Variants in CDS1 observed in about 807,000 individuals in gnomAD.
The protein encoded by CDS1 is phosphatidate cytidylyltransferase 1.
Under a neutral mutation model 62.1 loss-of-function variants are expected in CDS1, and 41 were observed. The ratio of observed to expected loss-of-function variants is 0.66; its 90% CI spans 0.51 to 0.86. The LOEUF is 0.86. CDS1 is among the 40% of genes least tolerant of loss of function. The pLI is 0.00. For synonymous variants in CDS1, 185 were observed against 192.6 expected, an observed-to-expected ratio of 0.96 and a Z score of 0.32; for missense variants, 470 against 550.1, an observed-to-expected ratio of 0.85 and a Z score of 1.46.
chr4:84,584,790 G>A (rs976975455), intron 1 of CDS1, among the ~76,000 whole-genome samples: 1 of 152,200 alleles, frequency 6.6e-6, no homozygotes, highest in Non-Finnish European at 1.5e-5. Flanking sequence ...AAATGAGTCT[G>A]TAATAAAACA....
At chr4:84,639,105 A>T in intron 9 of CDS1, 113 bp downstream of exon 9, 1 of 396,862 alleles carries the variant, frequency 2.5e-6, no homozygotes, top group Non-Finnish European at 4.4e-6. Flanking sequence ...TAATATATTT[A>T]TTGAAACCTA....
intron 9 of CDS1, 114 bp downstream of exon 9, chr4:84,639,106 T>C (rs527367227): frequency 5.0e-6 from 2 of 397,900 alleles, no homozygotes; most frequent in East Asian, 8.8e-5. Flanking sequence ...AATATATTTA[T>C]TGAAACCTAC....
At chr4:84,621,609 C>T (rs1221738282) in intron 5 of CDS1, among the ~76,000 whole-genome samples, 1 of 151,978 alleles carries the variant, frequency 6.6e-6, no homozygotes, top group East Asian at 1.9e-4. Flanking sequence ...TTTATTTTCC[C>T]AGAGATTAGG....
intron 12 of CDS1, among the ~76,000 whole-genome samples, chr4:84,646,902 T>C (rs1175587269): frequency 6.6e-6 from 1 of 152,220 alleles, no homozygotes; most frequent in Non-Finnish European, 1.5e-5. Context: ...AAATGTATTT[T>C]TTTATTTGTA....
chr4:84,601,219 A>AAATGACAG (rs902128743), intron 1 of CDS1, among the ~76,000 whole-genome samples: 1 of 150,656 alleles, frequency 6.6e-6, no homozygotes, highest in African/African-American at 2.4e-5. Flanking sequence ...AGGGAAAGAC[A>AAATGACAG]AATGACAGAC....
Position 84,645,274 on chromosome 4 carries a change from G to C in CDS1, c.1205G>C (p.Cys402Ser). 1 of 1,612,966 alleles carries C rather than the reference G, an allele frequency of 6.2e-7. No individual in the cohort carries two copies. The highest frequency in any genetic ancestry group is 8.5e-7 in the Non-Finnish European group (1 of 1,179,160). The change falls in exon 12 of 13, where the codon TGT becomes TCT. Residue 402 changes from cysteine (C) to serine (S), a missense_variant. Coordinates refer to ENST00000295887, the MANE Select transcript of CDS1 (RefSeq NM_001263.4). ...GHGGIMDRFD[C>S]QYLMATFVHV... ...GGTGGGATAATGGACAGATTTGATT[G>C]TCAGTATTTGATGGCAACTTTTGTA... is the stretch of plus-strand genomic sequence containing the variant.
chr4:84,612,197 A>T (rs866757795), intron 3 of CDS1, among the ~76,000 whole-genome samples: 12 of 152,022 alleles, frequency 7.9e-5, no homozygotes, highest in Middle Eastern at 3.4e-3. Flanking sequence ...CTGAAAAATA[A>T]TTAGAGATCA....
intron 4 of CDS1, 133 bp downstream of exon 4, chr4:84,617,794 G>A (rs1034707496): frequency 1.1e-5 from 5 of 453,106 alleles, no homozygotes; most frequent in Non-Finnish European, 1.9e-5. Flanking sequence ...TAAAAATAAT[G>A]TAATTGAATT....
At chr4:84,641,643 C>G (rs1195688837) in intron 10 of CDS1, among the ~76,000 whole-genome samples, 10 of 152,206 alleles carry the variant, frequency 6.6e-5, no homozygotes, top group African/African-American at 2.4e-4. Flanking sequence ...GCTGCTTCTA[C>G]AAATCAGTTT....
At position 84,643,116 on chromosome 4, in the gene CDS1, T is replaced by C; in HGVS notation, c.1125T>C (p.Ser375=). 6.2e-7 allele frequency: 1 copy of C among 1,613,174 alleles called. No homozygotes were observed. Among genetic ancestry groups the C allele is most frequent in the South Asian group, 1.1e-5 (1 of 90,836 alleles). Reference sequence around the variant, plus strand: ...GCCCATTTGGAGGCTTCTTTGCTAGTGGATTCAAAAGAGCCTTCAAAATCA... The same window carrying C: ...GCCCATTTGGAGGCTTCTTTGCTAGCGGATTCAAAAGAGCCTTCAAAATCA... ...LIGPFGGFFA[S]GFKRAFKIKD... The change falls in exon 11 of 13, where the codon AGT becomes AGC. Residue 375 remains serine, a synonymous_variant. Coordinates refer to ENST00000295887, the MANE Select transcript of CDS1 (RefSeq NM_001263.4).
intron 1 of CDS1, among the ~76,000 whole-genome samples, chr4:84,594,085 A>G (rs1464296776): frequency 6.6e-6 from 1 of 152,130 alleles, no homozygotes; most frequent in Non-Finnish European, 1.5e-5. Flanking sequence ...TTTCACCTCA[A>G]TCAATATATT....
At chr4:84,633,528 C>G (rs763310954) in intron 6 of CDS1, among the ~76,000 whole-genome samples, 17 of 152,048 alleles carry the variant, frequency 1.1e-4, no homozygotes, top group Non-Finnish European at 1.9e-4. Flanking sequence ...GTTGTTAAAC[C>G]AGCAACAGAA....
At position 84,633,799 on chromosome 4, in the gene CDS1, C is replaced by T. The variant is rs2148656074; in HGVS notation, c.640-58C>T. 6 of 1,083,912 alleles carry T rather than the reference C, an allele frequency of 5.5e-6. No individual in the cohort carries two copies. The South Asian group carries it at 1.3e-4, about 24-fold the overall frequency. 67.1% of individuals were successfully genotyped at this position (1,083,912 alleles called of 1,614,324 possible). A position where few individuals can be genotyped will look rare whatever the true frequency, so the allele number is the denominator to read the frequency against. ...TTTGGGTTTCAAATCGCTGTTGCTT[C>T]TTCAGCTGCACTGATCAGTTGTGTT... is the stretch of plus-strand genomic sequence containing the variant. On this transcript the variant is annotated intron_variant, in intron 6 of 12. Transcript: ENST00000295887.
chr4:84,593,171 T>C (rs1420330327), intron 1 of CDS1, among the ~76,000 whole-genome samples: 1 of 152,176 alleles, frequency 6.6e-6, no homozygotes, highest in African/African-American at 2.4e-5. Flanking sequence ...TAGAGTTCAA[T>C]GTAGATAGTG....
At chr4:84,645,657 A>C (rs1171780553) in intron 12 of CDS1, among the ~76,000 whole-genome samples, 2 of 152,154 alleles carry the variant, frequency 1.3e-5, no homozygotes, top group Non-Finnish European at 2.9e-5. Flanking sequence ...TTAAAAAGGG[A>C]GATAACGAAA....
At chr4:84,597,982 C>T (rs377576420) in intron 1 of CDS1, among the ~76,000 whole-genome samples, 27 of 151,762 alleles carry the variant, frequency 1.8e-4, no homozygotes, top group East Asian at 1.9e-4. Flanking sequence ...AAAAATTAGC[C>T]GGGCGTGGTG....
intron 5 of CDS1, among the ~76,000 whole-genome samples, chr4:84,624,141 G>A (rs2148651264): frequency 6.6e-6 from 1 of 151,856 alleles, no homozygotes; most frequent in South Asian, 2.1e-4. Flanking sequence ...GGGCGTGGTG[G>A]TGGGCGCCTA....
intron 7 of CDS1, among the ~76,000 whole-genome samples, chr4:84,635,011 A>G (rs1417305096): frequency 6.6e-6 from 1 of 151,724 alleles, no homozygotes; most frequent in Non-Finnish European, 1.5e-5. Context: ...TAACTGTAGA[A>G]ATCAATAATT....
At chr4:84,607,708 C>T (rs924385170) in intron 2 of CDS1, among the ~76,000 whole-genome samples, 1 of 151,748 alleles carries the variant, frequency 6.6e-6, no homozygotes, top group African/African-American at 2.4e-5. Context: ...CCAGCCTGGG[C>T]AAGATAGTAA....
Sources: allele counts gnomAD v4.1 joint callset (sites outside exome capture counted in the v4.1 genomes callset), GRCh38; gene constraint gnomAD v4.1.1; transcripts MANE v1.5; gene names NCBI Gene and HGNC (gene_info 2026-07-23, HGNC 2026-07-21).